The following MDGA2 variants were observed in gnomAD, a reference collection of about 807,000 sequenced individuals.
The protein encoded by MDGA2 is MAM domain-containing glycosylphosphatidylinositol anchor protein 2.
In MDGA2, 40 loss-of-function variants were observed where a neutral mutation model predicts 117.8. The observed-to-expected ratio is 0.34, with a 90% CI of 0.26 to 0.44. MDGA2 has a LOEUF of 0.44. MDGA2 is among the 20% of genes least tolerant of loss of function. MDGA2 has a pLI of 1.00. For synonymous variants in MDGA2, 452 were observed against 439.0 expected (o/e 1.03, Z -0.37); for missense variants, 1,123 against 1,250.6 (o/e 0.90, Z 1.54).
intron 4 of MDGA2, among the ~76,000 whole-genome samples, chr14:47,142,756 C>T (rs1045028963): frequency 6.6e-6 from 1 of 152,112 alleles, no homozygotes; most frequent in African/African-American, 2.4e-5. Context: ...TGGCAGAGAA[C>T]ACTTAGTATC....
chr14:47,270,158 A>G (rs1888099843), intron 2 of MDGA2, among the ~76,000 whole-genome samples: 2 of 152,140 alleles, frequency 1.3e-5, no homozygotes, highest in African/African-American at 4.8e-5. Flanking sequence ...TCATTATTTC[A>G]TTTAGTTTGA....
chr14:47,090,954 C>T (rs1041829658), intron 6 of MDGA2, among the ~76,000 whole-genome samples: 3 of 152,078 alleles, frequency 2.0e-5, no homozygotes, highest in Admixed American at 2.0e-4. Context: ...ATGGGATACC[C>T]TGAATTTTTT....
intron 8 of MDGA2, among the ~76,000 whole-genome samples, chr14:47,034,587 G>C (rs1045172332): frequency 6.6e-6 from 1 of 152,096 alleles, no homozygotes; most frequent in Admixed American, 6.5e-5. Context: ...AAAAGGACAT[G>C]CAATTGCCTG....
chr14:46,959,942 A>C (rs115644995), intron 8 of MDGA2, among the ~76,000 whole-genome samples: 1 of 151,944 alleles, frequency 6.6e-6, no homozygotes, highest in Admixed American at 6.6e-5. Flanking sequence ...TGTTGTACAT[A>C]GTTGGGCGTG....
At chr14:46,858,286 C>T (rs1379866516) in intron 14 of MDGA2, among the ~76,000 whole-genome samples, 1 of 151,346 alleles carries the variant, frequency 6.6e-6, no homozygotes, top group East Asian at 1.9e-4. Context: ...AGTCCTAGCC[C>T]TTTAGTATAG....
chr14:47,322,053 G>A (rs1215962104), intron 1 of MDGA2, among the ~76,000 whole-genome samples: 1 of 152,078 alleles, frequency 6.6e-6, no homozygotes, highest in East Asian at 1.9e-4. Flanking sequence ...AACGTAAGAG[G>A]AAACTGAGTG....
At chr14:47,467,203 A>G (rs1391676699) in intron 1 of MDGA2, among the ~76,000 whole-genome samples, 1 of 152,130 alleles carries the variant, frequency 6.6e-6, no homozygotes, top group African/African-American at 2.4e-5. Flanking sequence ...TTAGAGGAGG[A>G]AAAATAGAGC....
intron 8 of MDGA2, among the ~76,000 whole-genome samples, chr14:47,015,754 G>A (rs1434857214): frequency 6.6e-6 from 1 of 152,102 alleles, no homozygotes; most frequent in Non-Finnish European, 1.5e-5. Flanking sequence ...GACTTTGGAA[G>A]TGAAAACAAG....
chr14:46,860,831 A>G (rs1277643455), intron 14 of MDGA2, among the ~76,000 whole-genome samples: 2 of 151,926 alleles, frequency 1.3e-5, no homozygotes, highest in Non-Finnish European at 2.9e-5. Flanking sequence ...ATATTCTTAT[A>G]TGCTTTGTTA....
chr14:46,890,975 A>C (rs956517933), intron 10 of MDGA2, among the ~76,000 whole-genome samples: 4 of 152,250 alleles, frequency 2.6e-5, no homozygotes, highest in African/African-American at 9.6e-5. Context: ...CTTTGGAAAA[A>C]AGTAAGTTCT....
chr14:47,635,918 T>C (rs1224827719), intron 1 of MDGA2, among the ~76,000 whole-genome samples: 1 of 152,218 alleles, frequency 6.6e-6, no homozygotes, highest in Non-Finnish European at 1.5e-5. Flanking sequence ...ACACATCTTA[T>C]GTAAGACATA....
intron 8 of MDGA2, among the ~76,000 whole-genome samples, chr14:47,029,896 C>G (rs1018780021): frequency 1.3e-5 from 2 of 151,818 alleles, no homozygotes; most frequent in Admixed American, 1.3e-4. Context: ...GGCAAAATCT[C>G]GGGTCACTGC....
intron 1 of MDGA2, among the ~76,000 whole-genome samples, chr14:47,395,852 A>G (rs1034505644): frequency 6.6e-6 from 1 of 152,172 alleles, no homozygotes; most frequent in African/African-American, 2.4e-5. Flanking sequence ...CAATACTCAC[A>G]ATGTTTAAAT....
In MDGA2 at chr14:47,182,006, T is replaced by C. The variant is rs995408165; in HGVS notation, c.595+36015A>G. 2.0e-5 allele frequency among the ~76,000 whole-genome samples: 3 copies of C among 152,176 alleles called. No homozygotes were observed. The East Asian group carries it at 5.8e-4, about 29-fold the overall frequency. The stretch of plus-strand genomic sequence containing the variant: ...CTAATTGCCTACATTTAGTTGCTGA[T>C]GAACTAATCAAATAGTAACTTTTTC... On this transcript the variant is annotated intron_variant, in intron 3 of 16. Coordinates refer to ENST00000399232, the MANE Select transcript of MDGA2 (RefSeq NM_001113498.3).
chr14:46,956,654 A>G (rs940342291), intron 9 of MDGA2, among the ~76,000 whole-genome samples: 1 of 152,096 alleles, frequency 6.6e-6, no homozygotes, highest in African/African-American at 2.4e-5. Context: ...AATAGAAAAA[A>G]AAAAATGTTT....
chr14:47,639,224 T>C (rs1897378413), intron 1 of MDGA2, among the ~76,000 whole-genome samples: 1 of 152,190 alleles, frequency 6.6e-6, no homozygotes, highest in Non-Finnish European at 1.5e-5. Context: ...TTGTCTATTT[T>C]ACCCTCTTAG....
chr14:47,022,788 C>A (rs61992813), intron 8 of MDGA2, among the ~76,000 whole-genome samples: 54,332 of 151,904 alleles, frequency 0.36, 10,713 homozygotes, highest in East Asian at 0.59. Flanking sequence ...TTCAAATGTG[C>A]ATAAGAGAAT....
intron 8 of MDGA2, among the ~76,000 whole-genome samples, chr14:46,989,035 A>G (rs1279950184): frequency 2.0e-5 from 3 of 152,166 alleles, no homozygotes; most frequent in Admixed American, 6.6e-5. Context: ...TTATATCTAC[A>G]TAAACAAACC....
chr14:47,201,194 T>C, intron 3 of MDGA2: 1 of 586,842 alleles, frequency 1.7e-6, no homozygotes. Context: ...AGGAACATTT[T>C]TCACGTGGTT....
Sources: gnomAD v4.1 joint callset for allele counts (sites outside exome capture counted in the v4.1 genomes callset) on GRCh38, gnomAD v4.1.1 for gene constraint, MANE v1.5 for transcripts, NCBI Gene and HGNC (gene_info 2026-07-23, HGNC 2026-07-21) for gene names.